MSH3: variants seen among roughly 807,000 people sequenced by gnomAD.
MSH3 encodes DNA mismatch repair protein Msh3.
In MSH3, 106 loss-of-function variants were observed where a neutral mutation model predicts 123.3. That is an observed-to-expected ratio of 0.86 (90% confidence interval 0.73 to 1.01). The LOEUF is 1.01. Ranked by LOEUF, MSH3 falls within the 50% of genes least tolerant of loss-of-function variation. The pLI is 0.00. For missense variants in MSH3, 1,459 were observed against 1,347.6 expected (o/e 1.08, Z -1.29); for synonymous variants, 515 against 481.4 (o/e 1.07, Z -0.91).
At chr5:80,746,322 G>A (rs1015120094) in intron 12 of MSH3, 10 of 341,704 alleles carry the variant, frequency 2.9e-5, no homozygotes, top group East Asian at 1.7e-4. Context: ...ACAGTGTGAC[G>A]GCGTCAAGGA....
At chr5:80,777,800 G>C (rs1246211145) in intron 16 of MSH3, among the ~76,000 whole-genome samples, 1 of 152,064 alleles carries the variant, frequency 6.6e-6, no homozygotes, top group African/African-American at 2.4e-5. Flanking sequence ...AGCAAAAAAA[G>C]ACCAGACACC....
intron 18 of MSH3, 129 bp downstream of exon 18, chr5:80,787,801 G>A: frequency 1.4e-6 from 1 of 708,070 alleles, no homozygotes; most frequent in East Asian, 2.8e-5. Flanking sequence ...AAAGCTGAAT[G>A]TCATACATAT....
chr5:80,788,652 A>G (rs1308975578), intron 18 of MSH3, among the ~76,000 whole-genome samples: 3 of 152,058 alleles, frequency 2.0e-5, no homozygotes, highest in African/African-American at 4.8e-5. Flanking sequence ...CTCTACAAAA[A>G]TTAAAAAATT....
chr5:80,705,730 C>T (rs1561450260), intron 8 of MSH3, among the ~76,000 whole-genome samples: 1 of 152,184 alleles, frequency 6.6e-6, no homozygotes, highest in East Asian at 1.9e-4. Flanking sequence ...CCAGGCCTCT[C>T]CTTGACTTGT....
intron 21 of MSH3, among the ~76,000 whole-genome samples, chr5:80,856,735 A>G (rs1282363289): frequency 2.0e-5 from 3 of 152,170 alleles, no homozygotes; most frequent in East Asian, 1.9e-4. Flanking sequence ...TAGGAAAGCA[A>G]TTGACTTTTG....
chr5:80,746,714 A>G (rs3797887), intron 12 of MSH3: 29,442 of 376,316 alleles, frequency 0.078, 1,290 homozygotes, highest in Non-Finnish European at 0.089. Flanking sequence ...TATCTCCATC[A>G]TCCATTCTCA....
chr5:80,693,523 A>C (rs1423312942), intron 8 of MSH3, among the ~76,000 whole-genome samples: 1 of 150,322 alleles, frequency 6.7e-6, no homozygotes, highest in South Asian at 2.1e-4. Context: ...ATGCACATGT[A>C]TATGTTTATA....
intron 20 of MSH3, among the ~76,000 whole-genome samples, chr5:80,822,760 A>G (rs1393009101): frequency 1.3e-5 from 2 of 152,220 alleles, no homozygotes; most frequent in Admixed American, 6.6e-5. Context: ...ACAGAATGGG[A>G]TAATGGCAGT....
chr5:80,872,807 T>TA (rs1472873150), intron 22 of MSH3, among the ~76,000 whole-genome samples: 1 of 152,122 alleles, frequency 6.6e-6, no homozygotes, highest in African/African-American at 2.4e-5. Flanking sequence ...ACCCTATCTC[T>TA]AAAAAAGTAA....
Position 80,873,251 on chromosome 5 carries a change from A to G in MSH3, c.3266A>G (p.Lys1089Arg), listed in dbSNP as rs1580104459. Residue 1089 changes from lysine (K) to arginine (R), a missense_variant, in exon 23 of 24, where the codon AAG becomes AGG. Physicochemically the swap from Lys to Arg is conservative, Grantham distance 26 (BLOSUM62 2). Transcript: ENST00000265081. ...GAAATTTTGAAGAAAGCAGCTCACA[A>G]GTCAAAAGAGCTGGAAGGATTAATA... is the stretch of plus-strand genomic sequence containing the variant. Reference protein sequence around the residue: ...PGEILKKAAHKSKELEGLINT... With the variant: ...PGEILKKAAHRSKELEGLINT... 1.2e-6 allele frequency: 2 copies of G among 1,614,016 alleles called. No individual in the cohort carries two copies. Among genetic ancestry groups the G allele is most frequent in the Non-Finnish European group, 1.7e-6 (2 of 1,179,942 alleles).
intron 15 of MSH3, among the ~76,000 whole-genome samples, 168 bp from the exon 16 acceptor site, chr5:80,775,526 A>T (rs188387771): frequency 1.3e-5 from 2 of 152,148 alleles, no homozygotes; most frequent in African/African-American, 4.8e-5. Context: ...TGAACCCTTA[A>T]TTAATAATAT....
intron 21 of MSH3, 88 bp from the exon 22 acceptor site, chr5:80,864,717 GAAGATTTA>G: frequency 9.2e-7 from 1 of 1,090,874 alleles, no homozygotes; most frequent in Non-Finnish European, 1.4e-6. Flanking sequence ...TGACTTTTAG[GAAGATTTA>G]AAATTTTTCA....
chr5:80,834,871 C>A (rs1005686977), intron 20 of MSH3, among the ~76,000 whole-genome samples: 25 of 152,130 alleles, frequency 1.6e-4, no homozygotes, highest in Non-Finnish European at 2.9e-4. Flanking sequence ...AGGGGTGACT[C>A]AAAAAACTCC....
At chr5:80,704,235 A>G (rs1031431929) in intron 8 of MSH3, among the ~76,000 whole-genome samples, 3 of 152,156 alleles carry the variant, frequency 2.0e-5, no homozygotes, top group African/African-American at 7.2e-5. Context: ...AGGTCCTACA[A>G]GGTCCTCCTT....
At chr5:80,825,569 C>T (rs973970843) in intron 20 of MSH3, among the ~76,000 whole-genome samples, 1 of 96,028 alleles carries the variant, frequency 1.0e-5, no homozygotes, top group Non-Finnish European at 2.2e-5. Context: ...ATACTCAACT[C>T]CTAGTGCACA....
chr5:80,727,600 A>T (rs1390521081), intron 9 of MSH3, among the ~76,000 whole-genome samples: 1 of 152,216 alleles, frequency 6.6e-6, no homozygotes, highest in Admixed American at 6.5e-5. Flanking sequence ...ACACATAAAC[A>T]TACACATATA....
intron 8 of MSH3, among the ~76,000 whole-genome samples, chr5:80,700,299 C>G (rs192787164): frequency 3.3e-5 from 5 of 152,090 alleles, no homozygotes; most frequent in African/African-American, 1.2e-4. Flanking sequence ...GAGAATTGTT[C>G]GAACCTGGGA....
At chr5:80,848,385 G>A (rs543185172) in intron 20 of MSH3, among the ~76,000 whole-genome samples, 1 of 152,282 alleles carries the variant, frequency 6.6e-6, no homozygotes, top group East Asian at 1.9e-4. Flanking sequence ...TTTTAAGTCT[G>A]TCATATTCTT....
intron 10 of MSH3, among the ~76,000 whole-genome samples, chr5:80,731,223 C>A (rs142875134): frequency 1.3e-5 from 2 of 151,664 alleles, no homozygotes; most frequent in Non-Finnish European, 2.9e-5. Context: ...ATATTTAATT[C>A]GAAATAAGAA....
Sources: allele counts gnomAD v4.1 joint callset (sites outside exome capture counted in the v4.1 genomes callset), GRCh38; gene constraint gnomAD v4.1.1; transcripts MANE v1.5; gene names NCBI Gene and HGNC (gene_info 2026-07-23, HGNC 2026-07-21).